The following VPS45 variants were observed in gnomAD, a reference collection of about 807,000 sequenced individuals.
VPS45 encodes vacuolar protein sorting 45 homolog.
VPS45 carries 35 observed loss-of-function variants against 75.9 expected under a neutral mutation model. The observed-to-expected ratio is 0.46, with a 90% confidence interval of 0.35 to 0.61. VPS45 has a LOEUF of 0.61. VPS45 is among the 20% of genes least tolerant of loss of function. The probability of loss-of-function intolerance (pLI) is 0.00; values close to 1 mark genes in which losing one functional copy is unlikely to be tolerated. For missense variants in VPS45, 559 were observed against 685.9 expected (o/e 0.81, Z 2.07); for synonymous variants, 220 against 238.2 (o/e 0.92, Z 0.70).
chr1:150,126,171 G>C (rs1658507520), intron 14 of VPS45, among the ~76,000 whole-genome samples: 1 of 151,788 alleles, frequency 6.6e-6, no homozygotes, highest in Admixed American at 6.6e-5. Context: ...TATATTCTAA[G>C]GTATGGGATT....
In VPS45 at chr1:150,128,734, T is replaced by C. The variant is rs587673333; in HGVS notation, c.1626-15975T>C. Among the ~76,000 whole-genome samples, 8 of 48,356 alleles carry C rather than the reference T, an allele frequency of 1.7e-4. No individual in the cohort carries two copies. The South Asian group carries it at 8.2e-3, about 50-fold the overall frequency. 31.7% of individuals were successfully genotyped at this position (48,356 alleles called of 152,430 possible). ...AAGTTTTGAAACTTTCCCAAAGAGA[T>C]TTTCTTTCTTTTTTTTTTTCAGTGA... On this transcript the variant is annotated intron_variant, in intron 14 of 14. Coordinates refer to ENST00000644510, the MANE Select transcript of VPS45 (RefSeq NM_007259.5).
intron 14 of VPS45, among the ~76,000 whole-genome samples, chr1:150,140,402 T>TGG (rs1659335032): frequency 6.6e-6 from 1 of 151,330 alleles, no homozygotes; most frequent in South Asian, 2.1e-4. Flanking sequence ...TGTGTGTGTG[T>TGG]GTGTGTGTGT....
intron 14 of VPS45, among the ~76,000 whole-genome samples, chr1:150,130,259 T>G (rs1658762925): frequency 7.2e-6 from 1 of 138,074 alleles, no homozygotes; most frequent in Admixed American, 8.4e-5. Flanking sequence ...TGGAGTGCAG[T>G]GATGTGATCT....
intron 10 of VPS45, among the ~76,000 whole-genome samples, chr1:150,090,618 G>T (rs587720205): frequency 1.3e-5 from 2 of 152,070 alleles, no homozygotes; most frequent in Non-Finnish European, 2.9e-5. Context: ...TACTAGCATG[G>T]TTAAATCTCC....
At chr1:150,078,648 G>A (rs1261074850) in intron 7 of VPS45, among the ~76,000 whole-genome samples, 1 of 152,006 alleles carries the variant, frequency 6.6e-6, no homozygotes, top group Non-Finnish European at 1.5e-5. Context: ...TGTAGTCCCA[G>A]CTACTTGGGA....
At chr1:150,141,421 A>G (rs1270902569) in intron 14 of VPS45, among the ~76,000 whole-genome samples, 1 of 152,206 alleles carries the variant, frequency 6.6e-6, no homozygotes, top group Admixed American at 6.5e-5. Context: ...TTTTTGTTAC[A>G]GTATGATAGC....
chr1:150,074,406 C>A (rs781821411), intron 3 of VPS45, among the ~76,000 whole-genome samples: 1 of 152,062 alleles, frequency 6.6e-6, no homozygotes, highest in Non-Finnish European at 1.5e-5. Flanking sequence ...TAGTTCATTT[C>A]TTTTTATTGC....
At chr1:150,077,594 T>C in intron 6 of VPS45, 75 bp from the exon 7 acceptor site, 1 of 1,037,518 alleles carries the variant, frequency 9.6e-7, no homozygotes, top group Non-Finnish European at 1.5e-6. Flanking sequence ...ATGTAGTGTT[T>C]ATTAATTTCC....
chr1:150,120,154 T>G (rs1658159845), intron 14 of VPS45, among the ~76,000 whole-genome samples: 1 of 152,186 alleles, frequency 6.6e-6, no homozygotes. Context: ...TTATTCTGCA[T>G]GCAAATTTCA....
chr1:150,126,674 T>A lies in VPS45; in HGVS notation c.1625+16047T>A, dbSNP rs185634979. 3.9e-5 allele frequency among the ~76,000 whole-genome samples: 6 copies of A among 152,146 alleles called. No individual in the cohort carries two copies. The East Asian group carries it at 1.2e-3, about 29-fold the overall frequency. Reference sequence around the variant, plus strand: ...ATGAGTTATAGCTCAATAAAAAAAATTTATATGTAGCTGAGCAGAGGTGGC... The same window carrying A: ...ATGAGTTATAGCTCAATAAAAAAAAATTATATGTAGCTGAGCAGAGGTGGC... On this transcript the variant is annotated intron_variant, in intron 14 of 14. Coordinates refer to ENST00000644510, the MANE Select transcript of VPS45 (RefSeq NM_007259.5).
intron 10 of VPS45, 187 bp downstream of exon 10, chr1:150,083,070 C>T: frequency 1.7e-6 from 1 of 592,472 alleles, no homozygotes; most frequent in Non-Finnish European, 2.7e-6. Context: ...GTGTAATGTG[C>T]AATTCCCAAG....
At chr1:150,110,929 T>C (rs1232359944) in intron 14 of VPS45, among the ~76,000 whole-genome samples, 2 of 152,046 alleles carry the variant, frequency 1.3e-5, no homozygotes, top group Non-Finnish European at 2.9e-5. Flanking sequence ...ACCTAATTCA[T>C]AAGGAAGGGG....
In VPS45 at chr1:150,091,916, A is replaced by G. The variant is rs587765134; in HGVS notation, c.1105-21A>G. On this transcript the variant is annotated intron_variant, in intron 10 of 14. Coordinates refer to ENST00000644510, the MANE Select transcript of VPS45 (RefSeq NM_007259.5). ...TGACTCAAGTGAAAGGGGGATAAAT[A>G]TAAGTTCTATCTTTCTTCAGAATAT... 5.6e-6 allele frequency: 9 copies of G among 1,607,786 alleles called. No individual in the cohort carries two copies. In the Admixed American group the frequency reaches 6.8e-5, roughly 12 times the overall value.
rs201995360 is a variant in VPS45, at chr1:150,127,653, AGTT to A, written c.1625+17027_1625+17029del. Among the ~76,000 whole-genome samples, 851 of 152,322 alleles carry A rather than the reference AGTT, an allele frequency of 5.6e-3. 4 individuals carry two copies. Among genetic ancestry groups the A allele is most frequent in the African/African-American group, 0.019 (809 of 41,574 alleles). On this transcript the variant is annotated intron_variant, in intron 14 of 14. Coordinates refer to ENST00000644510, the MANE Select transcript of VPS45 (RefSeq NM_007259.5). ...AGATGAGGAAATCAAAGTAGAGAGA[AGTT>A]AAGTACCTTGTCCAAAGTCATAAAG...
At chr1:150,099,443 G>C (rs1235315627) in intron 13 of VPS45, among the ~76,000 whole-genome samples, 2 of 151,618 alleles carry the variant, frequency 1.3e-5, no homozygotes, top group African/African-American at 4.8e-5. Flanking sequence ...AACCCGGGAG[G>C]CAAAGTTGTA....
intron 7 of VPS45, among the ~76,000 whole-genome samples, chr1:150,078,763 A>C (rs1655533600): frequency 6.6e-6 from 1 of 151,392 alleles, no homozygotes; most frequent in South Asian, 2.1e-4. Context: ...CTCCGTCTCC[A>C]AAAATAAATA....
At chr1:150,106,370 G>C (rs2101599614) in intron 13 of VPS45, among the ~76,000 whole-genome samples, 1 of 152,064 alleles carries the variant, frequency 6.6e-6, no homozygotes. Flanking sequence ...ATCCTACAAG[G>C]AACGCAATAA....
In VPS45 at chr1:150,082,592, A is replaced by G. The variant is rs116256724; in HGVS notation, c.937-124A>G. On this transcript the variant is annotated intron_variant, in intron 9 of 14. Transcript: ENST00000644510. ...AGCATAACAAAATGCCATGTGGCTG[A>G]AAGTTGTAGATGCTTTAATCTGGGC... is the stretch of plus-strand genomic sequence containing the variant. 11,761 of 1,191,480 alleles carry G rather than the reference A, an allele frequency of 9.9e-3. 146 individuals are homozygous for G. Among genetic ancestry groups the G allele is most frequent in the Middle Eastern group, 0.036 (181 of 4,978 alleles). 73.8% of individuals were successfully genotyped at this position (1,191,480 alleles called of 1,614,324 possible).
chr1:150,129,446 GA>G (rs1226150653), intron 14 of VPS45, among the ~76,000 whole-genome samples: 3 of 151,720 alleles, frequency 2.0e-5, no homozygotes, highest in African/African-American at 2.4e-5. Flanking sequence ...ATTCCTGTAG[GA>G]AAAAAAATTT....
Sources: allele counts gnomAD v4.1 joint callset (sites outside exome capture counted in the v4.1 genomes callset), GRCh38; gene constraint gnomAD v4.1.1; transcripts MANE v1.5; gene names NCBI Gene and HGNC (gene_info 2026-07-23, HGNC 2026-07-21).